Variants in RALB observed in about 807,000 individuals in gnomAD.
RALB encodes the protein ras-related protein Ral-B.
Under a neutral mutation model 21.3 loss-of-function variants are expected in RALB, and 16 were observed. That is an observed-to-expected ratio of 0.75 (90% CI 0.51 to 1.14). The LOEUF (loss-of-function observed/expected upper bound fraction) is 1.14. Among genes scored for constraint, RALB ranks in the 50% most tolerant of loss-of-function variants. The pLI, the probability that RALB is intolerant of heterozygous loss-of-function variation, is 0.00. For synonymous variants in RALB, 93 were observed against 96.1 expected (o/e 0.97, Z 0.19); for missense variants, 161 against 256.2 (o/e 0.63, Z 2.54).
At chr2:120,258,176 C>G (rs1689243181) in intron 1 of RALB, among the ~76,000 whole-genome samples, 1 of 150,742 alleles carries the variant, frequency 6.6e-6, no homozygotes, top group Non-Finnish European at 1.5e-5. Flanking sequence ...CCAGTGCTTT[C>G]AGTCAAAGGT....
chr2:120,258,130 A>T lies in RALB; in HGVS notation c.-48+5150A>T, dbSNP rs1689242086. Among the ~76,000 whole-genome samples the T allele has an allele frequency of 2.6e-5, 4 of 152,316 alleles. No individual in the cohort carries two copies. In the South Asian group the frequency reaches 8.3e-4, roughly 32 times the overall value. ...ACCTTTTCAACATTCAAGCCTAATT[A>T]TGTTACCCATTGACTTGAAACACTT... On this transcript the variant is annotated intron_variant, in intron 1 of 4. Coordinates refer to ENST00000272519, the MANE Select transcript of RALB (RefSeq NM_002881.3).
At chr2:120,266,025 T>C (rs1472008320) in intron 1 of RALB, among the ~76,000 whole-genome samples, 1 of 152,224 alleles carries the variant, frequency 6.6e-6, no homozygotes, top group African/African-American at 2.4e-5. Flanking sequence ...AGGAGGACTT[T>C]ATTTCAGAAA....
At chr2:120,284,561 G>T (rs551912173) in intron 2 of RALB, among the ~76,000 whole-genome samples, 41 of 152,246 alleles carry the variant, frequency 2.7e-4, no homozygotes, top group African/African-American at 9.4e-4. Context: ...ACCATACCTG[G>T]CTAATCTTTT....
At chr2:120,266,752 T>G (rs1689511900) in intron 1 of RALB, among the ~76,000 whole-genome samples, 1 of 152,102 alleles carries the variant, frequency 6.6e-6, no homozygotes, top group African/African-American at 2.4e-5. Flanking sequence ...CAGTTACCAT[T>G]TATCCTTTTG....
At chr2:120,279,167 A>G (rs1689921604) in intron 2 of RALB, among the ~76,000 whole-genome samples, 1 of 152,254 alleles carries the variant, frequency 6.6e-6, no homozygotes, top group South Asian at 2.1e-4. Flanking sequence ...CTGAGCTGTC[A>G]TACAACTTAA....
chr2:120,294,234 A>G lies in RALB; in HGVS notation c.*974A>G, dbSNP rs753879396. 4.2e-4 allele frequency: 169 copies of G among 398,652 alleles called. No individual in the cohort carries two copies. The highest frequency in any genetic ancestry group is 6.3e-4 in the Non-Finnish European group (142 of 226,068). The allele number at this position is 398,652 out of a possible 1,614,324, so 24.7% of individuals were successfully genotyped here. Reference sequence around the variant, plus strand: ...TGAGTTAAAGTTGTATTCTGAAATCATGAAGCCAGAGCCTGTGCCAGACCT... The same window carrying G: ...TGAGTTAAAGTTGTATTCTGAAATCGTGAAGCCAGAGCCTGTGCCAGACCT... On this transcript the variant is annotated 3_prime_UTR_variant, in exon 5 of 5. Transcript: ENST00000272519.
intron 2 of RALB, chr2:120,280,945 T>A (rs1273877003): frequency 2.5e-6 from 1 of 401,918 alleles, no homozygotes; most frequent in East Asian, 7.5e-5. Flanking sequence ...ATATTGTTAT[T>A]TTGCTGGATT....
At chr2:120,267,853 G>A (rs1247310025) in intron 1 of RALB, among the ~76,000 whole-genome samples, 1 of 152,098 alleles carries the variant, frequency 6.6e-6, no homozygotes, top group Non-Finnish European at 1.5e-5. Context: ...GTGCAGTGGC[G>A]TGATCTGGGG....
At chr2:120,243,977 C>T (rs976142405) in intron 1 of RALB, among the ~76,000 whole-genome samples, 2 of 152,108 alleles carry the variant, frequency 1.3e-5, no homozygotes, top group African/African-American at 4.8e-5. Flanking sequence ...TTAATTGACT[C>T]GCAGTTCCAC....
At position 120,293,817 on chromosome 2, in the gene RALB, C is replaced by T. The variant is rs570906773; in HGVS notation, c.*557C>T. The stretch of plus-strand genomic sequence containing the variant: ...CAGCTAAAAAAATGAATTTGAATTG[C>T]GCCAGATAGGTCAATACCAAGCTTC... On this transcript the variant is annotated 3_prime_UTR_variant, in exon 5 of 5. Coordinates refer to ENST00000272519, the MANE Select transcript of RALB (RefSeq NM_002881.3). 209 of 218,166 alleles carry T rather than the reference C, an allele frequency of 9.6e-4. No homozygotes were observed. The highest frequency in any genetic ancestry group is 4.1e-3 in the African/African-American group (182 of 44,088). 13.5% of individuals were successfully genotyped at this position (218,166 alleles called of 1,614,324 possible).
At chr2:120,284,158 A>T (rs1264352992) in intron 2 of RALB, among the ~76,000 whole-genome samples, 1 of 152,074 alleles carries the variant, frequency 6.6e-6, no homozygotes, top group Non-Finnish European at 1.5e-5. Flanking sequence ...GCAAGTTTTC[A>T]CATCTCTATT....
chr2:120,257,985 T>G (rs1390112349), intron 1 of RALB, among the ~76,000 whole-genome samples: 2 of 152,230 alleles, frequency 1.3e-5, no homozygotes, highest in East Asian at 1.9e-4. Context: ...GCCCTAAAAT[T>G]TAGTCACTTT....
chr2:120,267,589 G>T (rs1018163785), intron 1 of RALB, among the ~76,000 whole-genome samples: 11 of 152,262 alleles, frequency 7.2e-5, no homozygotes, highest in African/African-American at 2.2e-4. Context: ...AGGCAAATGA[G>T]TGAGGCAGGT....
intron 1 of RALB, among the ~76,000 whole-genome samples, chr2:120,272,880 A>G (rs1193899060): frequency 6.6e-6 from 1 of 152,116 alleles, no homozygotes; most frequent in Non-Finnish European, 1.5e-5. Context: ...TACTGTAATC[A>G]TTTACTTACT....
At chr2:120,252,716 T>G, upstream of RALB, 1 of 942,594 alleles carries the variant, frequency 1.1e-6, no homozygotes, top group Non-Finnish European at 1.3e-6. Flanking sequence ...GCCCGCTGCT[T>G]GGAAAATCAG....
chr2:120,277,452 G>A (rs1689834308), intron 1 of RALB, among the ~76,000 whole-genome samples: 1 of 87,990 alleles, frequency 1.1e-5, no homozygotes, highest in African/African-American at 4.0e-5. Flanking sequence ...ATATGAGCAT[G>A]TGTTAGAGCA....
chr2:120,266,252 T>C (rs1689496781), intron 1 of RALB, among the ~76,000 whole-genome samples: 1 of 152,154 alleles, frequency 6.6e-6, no homozygotes, highest in African/African-American at 2.4e-5. Context: ...AAAATTTTTA[T>C]TTTATTTTTT....
chr2:120,254,960 A>G (rs886856405), intron 1 of RALB, among the ~76,000 whole-genome samples: 6 of 152,232 alleles, frequency 3.9e-5, no homozygotes, highest in Non-Finnish European at 8.8e-5. Flanking sequence ...CACAGGTGTG[A>G]GCCACCCCGT....
At chr2:120,285,108 G>A (rs1240907504) in intron 2 of RALB, among the ~76,000 whole-genome samples, 1 of 152,034 alleles carries the variant, frequency 6.6e-6, no homozygotes, top group African/African-American at 2.4e-5. Context: ...CACAGGGCTG[G>A]GGAGGCCTCA....
Sources: allele counts gnomAD v4.1 joint callset (sites outside exome capture counted in the v4.1 genomes callset), GRCh38; gene constraint gnomAD v4.1.1; transcripts MANE v1.5; gene names NCBI Gene and HGNC (gene_info 2026-07-23, HGNC 2026-07-21).